TMEM131: variants seen among roughly 807,000 people sequenced by gnomAD.
TMEM131 encodes the protein transmembrane protein 131.
A neutral mutation model predicts 211.6 loss-of-function variants in TMEM131; 66 were observed. The observed-to-expected ratio is 0.31, with a 90% CI of 0.26 to 0.38. The LOEUF (loss-of-function observed/expected upper bound fraction) is 0.38. Ranked by LOEUF, TMEM131 falls within the 10% of genes least tolerant of loss-of-function variation. The probability of loss-of-function intolerance (pLI) is 1.00; values close to 1 mark genes in which losing one functional copy is unlikely to be tolerated. For missense variants in TMEM131, 2,036 were observed against 2,299.3 expected (o/e 0.89, Z 2.34); for synonymous variants, 844 against 841.3 (o/e 1.00, Z -0.06).
intron 1 of TMEM131, among the ~76,000 whole-genome samples, chr2:97,986,886 CAT>C (rs1207891041): frequency 6.6e-6 from 1 of 152,234 alleles, no homozygotes; most frequent in Non-Finnish European, 1.5e-5. Context: ...GAATGACAAA[CAT>C]AAACTATCTC....
chr2:97,906,762 T>A (rs554754960), intron 3 of TMEM131, among the ~76,000 whole-genome samples: 3 of 152,250 alleles, frequency 2.0e-5, no homozygotes, highest in South Asian at 4.1e-4. Flanking sequence ...CATTTCCAAC[T>A]CTGAAATCTC....
chr2:97,800,643 G>A (rs987811354), intron 25 of TMEM131, among the ~76,000 whole-genome samples: 10 of 150,422 alleles, frequency 6.6e-5, no homozygotes, highest in African/African-American at 2.2e-4. Flanking sequence ...CTGTAATCCC[G>A]CTACTCGGGA....
intron 25 of TMEM131, among the ~76,000 whole-genome samples, chr2:97,799,665 A>G (rs570695461): frequency 6.6e-6 from 1 of 152,352 alleles, no homozygotes; most frequent in East Asian, 1.9e-4. Flanking sequence ...TGGTTAGATT[A>G]GCGAGGATGA....
chr2:97,915,653 A>C (rs938882349), intron 2 of TMEM131, among the ~76,000 whole-genome samples: 1 of 152,076 alleles, frequency 6.6e-6, no homozygotes, highest in African/African-American at 2.4e-5. Context: ...GCCCAGAGCA[A>C]GTTTTAAATT....
Position 97,802,460 on chromosome 2 carries a change from G to A in TMEM131, c.2619C>T (p.Asn873=), listed in dbSNP as rs771486784. ...CTAACTTATCTACAAACACTGAAGG[G>A]TTGGAATATAAAGCCAGAGGAATAA... The part of the protein sequence containing the change: ...VQFIPLALYS[N]PSVFVDKLVS... Residue 873 remains asparagine (N), a synonymous_variant, in exon 24 of 41, where the codon AAC becomes AAT. Coordinates refer to ENST00000186436, the MANE Select transcript of TMEM131 (RefSeq NM_015348.2). 6.3e-5 allele frequency: 101 copies of A among 1,611,450 alleles called. No individual in the cohort carries two copies. Among genetic ancestry groups the A allele is most frequent in the Non-Finnish European group, 8.2e-5 (97 of 1,179,022 alleles).
chr2:97,797,088 AAATTT>A (rs1402093294), intron 26 of TMEM131, 102 bp from the exon 27 acceptor site: 7 of 1,239,028 alleles, frequency 5.6e-6, no homozygotes, highest in Non-Finnish European at 6.7e-6. Context: ...CATAGAAATT[AAATTT>A]AATGGTGAGA....
intron 5 of TMEM131, among the ~76,000 whole-genome samples, chr2:97,854,925 C>T (rs1236077839): frequency 6.6e-6 from 1 of 152,176 alleles, no homozygotes; most frequent in Non-Finnish European, 1.5e-5. Flanking sequence ...TACCGCCTTC[C>T]CTGTGCACAC....
At chr2:97,879,019 A>C (rs959300893) in intron 4 of TMEM131, among the ~76,000 whole-genome samples, 1 of 152,182 alleles carries the variant, frequency 6.6e-6, no homozygotes, top group African/African-American at 2.4e-5. Context: ...TGACATCAAC[A>C]GTCTTGATAT....
intron 31 of TMEM131, among the ~76,000 whole-genome samples, chr2:97,786,698 T>C (rs1680262829): frequency 6.6e-6 from 1 of 152,200 alleles, no homozygotes; most frequent in Non-Finnish European, 1.5e-5. Context: ...ATGCTGTGCA[T>C]GTGGGGGTGA....
intron 4 of TMEM131, among the ~76,000 whole-genome samples, chr2:97,870,283 A>C (rs574895040): frequency 6.6e-6 from 1 of 152,262 alleles, no homozygotes; most frequent in East Asian, 1.9e-4. Context: ...AGAGGCCAGA[A>C]ATTTTTAGAA....
At chr2:97,870,584 G>A (rs1434369472) in intron 4 of TMEM131, among the ~76,000 whole-genome samples, 2 of 152,172 alleles carry the variant, frequency 1.3e-5, no homozygotes, top group African/African-American at 4.8e-5. Context: ...GAAAGCAGCA[G>A]CTATGAATTA....
intron 31 of TMEM131, among the ~76,000 whole-genome samples, chr2:97,778,702 G>GT (rs1679846432): frequency 6.6e-6 from 1 of 152,126 alleles, no homozygotes. Context: ...TCTCTAACCT[G>GT]TTGAAGCCCA....
intron 2 of TMEM131, 56 bp from the exon 3 acceptor site, chr2:97,908,754 G>C (rs1276998862): frequency 7.1e-7 from 1 of 1,405,026 alleles, no homozygotes; most frequent in East Asian, 2.3e-5. Flanking sequence ...TTATATTACA[G>C]ACATATGGAA....
At chr2:97,830,155 A>AAAAAC (rs1682602436) in intron 11 of TMEM131, among the ~76,000 whole-genome samples, 1 of 150,984 alleles carries the variant, frequency 6.6e-6, no homozygotes, top group Non-Finnish European at 1.5e-5. Context: ...AAAAAAAAAA[A>AAAAAC]ACCAAACCCA....
At chr2:97,817,822 C>G (rs1681904344) in intron 12 of TMEM131, among the ~76,000 whole-genome samples, 1 of 152,178 alleles carries the variant, frequency 6.6e-6, no homozygotes, top group Non-Finnish European at 1.5e-5. Flanking sequence ...AGGAGCTGAG[C>G]TTTACTATGT....
intron 4 of TMEM131, among the ~76,000 whole-genome samples, chr2:97,880,310 G>A (rs967525934): frequency 1.9e-4 from 29 of 152,120 alleles, no homozygotes; most frequent in Admixed American, 1.9e-3. Context: ...AGGCAAATAG[G>A]AAACCATTAA....
intron 1 of TMEM131, among the ~76,000 whole-genome samples, chr2:97,969,922 G>C (rs540444002): frequency 6.6e-6 from 1 of 152,336 alleles, no homozygotes; most frequent in South Asian, 2.1e-4. Flanking sequence ...CTGATGTGGA[G>C]TTGTTCAGGG....
rs1353475913 is a variant in TMEM131 at position 97,805,176 on chromosome 2, T to C, written c.2314A>G (p.Met772Val). ...SEPKVQPGVA[M>V]QEDMWDADWD... ...TCAGCATCCCACATATCTTCCTGCA[T>C]GGCTACACCAGGCTGCACTTTGGGT... The change falls in exon 22 of 41, where the codon ATG becomes GTG. Residue 772 changes from methionine (M) to valine (V), a missense_variant. By Grantham distance (21) the Met-to-Val change is conservative (BLOSUM62 1). Around this residue, in one of 3 missense-constraint regions of TMEM131, gnomAD observed 1,623 missense variants for 1,805.9 expected, o/e 0.90. Coordinates refer to ENST00000186436, the MANE Select transcript of TMEM131 (RefSeq NM_015348.2). 10 of 1,613,854 alleles carry C rather than the reference T, an allele frequency of 6.2e-6. No individual in the cohort carries two copies. Among genetic ancestry groups the C allele is most frequent in the Admixed American group, 1.7e-5 (1 of 59,982 alleles).
At chr2:97,938,885 C>T (rs1218129279) in intron 1 of TMEM131, among the ~76,000 whole-genome samples, 17 of 152,228 alleles carry the variant, frequency 1.1e-4, no homozygotes, top group East Asian at 3.8e-4. Flanking sequence ...CACTCAAAAC[C>T]GCTCAACTAC....
Sources: allele counts gnomAD v4.1 joint callset (sites outside exome capture counted in the v4.1 genomes callset), GRCh38; gene constraint gnomAD v4.1.1; regional missense constraint gnomAD v4.1.1; transcripts MANE v1.5; gene names NCBI Gene and HGNC (gene_info 2026-07-23, HGNC 2026-07-21).